The following DSC1 variants were observed in gnomAD, a reference collection of about 807,000 sequenced individuals.
DSC1 encodes the protein desmocollin 1, also known as desmocollin-1.
In DSC1, 79 loss-of-function variants were observed where a neutral mutation model predicts 98.8. The observed-to-expected ratio is 0.80, with a 90% CI of 0.67 to 0.96. DSC1 has a LOEUF of 0.96. Among genes scored for constraint, DSC1 ranks in the 50% least tolerant of loss-of-function variants. The pLI, the probability that DSC1 is intolerant of heterozygous loss-of-function variation, is 0.00. For synonymous variants in DSC1, 405 were observed against 372.1 expected, an observed-to-expected ratio of 1.09 and a Z score of -1.02; for missense variants, 1,115 against 1,075.9, an observed-to-expected ratio of 1.04 and a Z score of -0.51.
At chr18:31,131,193 T>C (rs1173096310) in intron 15 of DSC1, among the ~76,000 whole-genome samples, 2 of 152,192 alleles carry the variant, frequency 1.3e-5, no homozygotes, top group Non-Finnish European at 2.9e-5. Flanking sequence ...ACAATTTATC[T>C]GGTTGATTTT....
chr18:31,156,201 A>C, intron 3 of DSC1, 39 bp from the exon 4 acceptor site: 1 of 1,591,514 alleles, frequency 6.3e-7, no homozygotes, highest in South Asian at 1.1e-5. Context: ...AGCATTGCTT[A>C]TCATTTTTTG....
At chr18:31,144,488 T>C (rs1262567603) in intron 7 of DSC1, among the ~76,000 whole-genome samples, 3 of 152,044 alleles carry the variant, frequency 2.0e-5, no homozygotes, top group Non-Finnish European at 4.4e-5. Context: ...TATTACTAAA[T>C]GAAAGAAGCC....
chr18:31,131,906 T>G lies in DSC1; in HGVS notation c.2239-64A>C, dbSNP rs1329471784. ...ATGGAAACTAACAATTCATTTTCATTTTTTTTCACCATAGGCAAATCACTT... is the reference window on the plus strand; with the variant it reads ...ATGGAAACTAACAATTCATTTTCATGTTTTTTCACCATAGGCAAATCACTT... On this transcript the variant is annotated intron_variant, in intron 14 of 15. Transcript: ENST00000257198. 6 of 1,575,504 alleles carry G rather than the reference T, an allele frequency of 3.8e-6. No individual in the cohort carries two copies. The African/African-American group carries it at 8.1e-5, about 21-fold the overall frequency.
At chr18:31,140,420 T>A (rs1988710092) in intron 9 of DSC1, 119 bp from the exon 10 acceptor site, 1 of 1,105,648 alleles carries the variant, frequency 9.0e-7, no homozygotes, top group Non-Finnish European at 1.2e-6. Flanking sequence ...TAAAGTTAGG[T>A]CTAATACAGT....
rs1988495938 is a variant in DSC1, at chr18:31,131,753, T to G, written c.2328A>C (p.Thr776=). Residue 776 remains threonine (T), a synonymous_variant, in exon 15 of 16, where the codon ACA becomes ACC. Coordinates refer to ENST00000257198, the MANE Select transcript of DSC1 (RefSeq NM_024421.2). ...VGTVGGQGIK[T]QQSFEMVKGG... is the part of the protein sequence containing the mutation. ...CTTTGACCATCTCAAAACTTTGCTGTGTTTTGATTCCCTGGCCACCAACAG... is the reference window on the plus strand; with the variant it reads ...CTTTGACCATCTCAAAACTTTGCTGGGTTTTGATTCCCTGGCCACCAACAG... 1 of 1,614,144 alleles carries G rather than the reference T, an allele frequency of 6.2e-7. No homozygotes were observed. Among genetic ancestry groups the G allele is most frequent in the Non-Finnish European group, 8.5e-7 (1 of 1,179,990 alleles).
intron 3 of DSC1, among the ~76,000 whole-genome samples, chr18:31,157,085 C>A (rs144939346): frequency 7.2e-5 from 11 of 152,300 alleles, no homozygotes; most frequent in Middle Eastern, 3.4e-3. Flanking sequence ...GTCCTTGCTC[C>A]TCAGGTTGGT....
chr18:31,143,765 C>A lies in DSC1; in HGVS notation c.966G>T (p.Met322Ile). 6.3e-7 allele frequency: 1 copy of A among 1,595,968 alleles called. No homozygotes were observed. The highest frequency in any genetic ancestry group is 8.5e-7 in the Non-Finnish European group (1 of 1,171,342). Residue 322 changes from methionine to isoleucine, a missense_variant, in exon 8 of 16, where the codon ATG becomes ATT. By Grantham distance (10) the Met-to-Ile change is conservative. Transcript: ENST00000257198. Reference sequence around the variant, plus strand: ...GCTGACCACCCATGTCTCGCACTTCCATTATTAACTGGTAAGTATCACATT... The same window carrying A: ...GCTGACCACCCATGTCTCGCACTTCAATTATTAACTGGTAAGTATCACATT... ...REKCDTYQLIMEVRDMGGQPF... is the reference protein window; with the variant it reads ...REKCDTYQLIIEVRDMGGQPF...
chr18:31,140,327 G>T, intron 9 of DSC1, 26 bp from the exon 10 acceptor site: 2 of 1,605,498 alleles, frequency 1.2e-6, no homozygotes, highest in Non-Finnish European at 1.7e-6. Flanking sequence ...ACTTTAATAA[G>T]TCAATATATA....
In DSC1 at chr18:31,145,632, A is replaced by G; in HGVS notation, c.918T>C (p.Thr306=). 3 of 1,614,176 alleles carry G rather than the reference A, an allele frequency of 1.9e-6. No individual in the cohort carries two copies. The highest frequency in any genetic ancestry group is 2.5e-6 in the Non-Finnish European group (3 of 1,179,998). The stretch of plus-strand genomic sequence containing the variant: ...TTACTTCTCTATCCAGAAAAGGTGT[A>G]GTTGTGGTGATGACACCGGTATCTG... ...IHPDTGVITT[T]TPFLDREKCD... Residue 306 remains threonine (T), a synonymous_variant, in exon 7 of 16, where the codon ACT becomes ACC. Coordinates refer to ENST00000257198, the MANE Select transcript of DSC1 (RefSeq NM_024421.2).
chr18:31,140,672 A>G (rs1598617829), intron 9 of DSC1, among the ~76,000 whole-genome samples: 2 of 152,352 alleles, frequency 1.3e-5, no homozygotes, highest in Non-Finnish European at 2.9e-5. Context: ...CTAAGTATAT[A>G]CAATAATTAG....
intron 1 of DSC1, among the ~76,000 whole-genome samples, chr18:31,161,798 A>G (rs1450189647): frequency 6.6e-6 from 1 of 152,218 alleles, no homozygotes; most frequent in African/African-American, 2.4e-5. Flanking sequence ...TATATTATTT[A>G]CATGGAGAAA....
At chr18:31,142,706 A>G (rs954647486) in intron 8 of DSC1, among the ~76,000 whole-genome samples, 2 of 152,084 alleles carry the variant, frequency 1.3e-5, no homozygotes, top group African/African-American at 4.8e-5. Flanking sequence ...ATAGCCCTCC[A>G]CAAAAATATT....
chr18:31,133,968 G>A lies in DSC1; in HGVS notation c.2039C>T (p.Thr680Ile). 4 of 1,613,322 alleles carry A rather than the reference G, an allele frequency of 2.5e-6. No homozygotes were observed. Among genetic ancestry groups the A allele is most frequent in the Non-Finnish European group, 2.5e-6 (3 of 1,179,634 alleles). Residue 680 changes from threonine to isoleucine, a missense_variant, in exon 13 of 16, where the codon ACA becomes ATA. Thr to Ile is a moderately conservative substitution (Grantham distance 89). Transcript: ENST00000257198. ...TATTACATTTGGTCTAACGTCTCTTGTACTTTTATCCTTCATTCTACACTC... is the reference window on the plus strand; with the variant it reads ...TATTACATTTGGTCTAACGTCTCTTATACTTTTATCCTTCATTCTACACTC... ...PSECRMKDKS[T>I]RDVRPNVILG...
intron 8 of DSC1, among the ~76,000 whole-genome samples, chr18:31,143,126 A>G (rs2577073): frequency 6.6e-6 from 1 of 151,270 alleles, no homozygotes; most frequent in Non-Finnish European, 1.5e-5. Context: ...TGTGTACACA[A>G]ACACACACAT....
At position 31,132,695 on chromosome 18, in the gene DSC1, A is replaced by G. The variant is rs1272151090; in HGVS notation, c.2117-6T>C. On this transcript the variant is annotated splice_region_variant and splice_polypyrimidine_tract_variant and intron_variant, in intron 13 of 15. Transcript: ENST00000257198. ...GAAACATGTAAACAGAATACCTAAA[A>G]AGCAAAAAAGATCAAAGTAAAACAC... 1 of 1,607,694 alleles carries G rather than the reference A, an allele frequency of 6.2e-7. No individual in the cohort carries two copies. The highest frequency in any genetic ancestry group is 8.5e-7 in the Non-Finnish European group (1 of 1,177,144).
chr18:31,161,945 T>A (rs6506891), intron 1 of DSC1, among the ~76,000 whole-genome samples: 87,283 of 151,926 alleles, frequency 0.57, 25,231 homozygotes, highest in East Asian at 0.66. Context: ...TTCCCTCACC[T>A]CCAAAGAAAA....
chr18:31,131,570 G>T, intron 15 of DSC1, 24 bp downstream of exon 15: 1 of 1,610,210 alleles, frequency 6.2e-7, no homozygotes, highest in South Asian at 1.1e-5. Flanking sequence ...CATGTAATAT[G>T]ACCTCAAAGA....
At chr18:31,141,445 C>G (rs988598693) in intron 9 of DSC1, among the ~76,000 whole-genome samples, 9 of 151,944 alleles carry the variant, frequency 5.9e-5, no homozygotes, top group African/African-American at 2.2e-4. Flanking sequence ...AGAATTAGGT[C>G]CAGTTAAAGT....
rs1385984738 is a variant in DSC1 at position 31,131,779 on chromosome 18, T to C, written c.2302A>G (p.Thr768Ala). 4.3e-6 allele frequency: 7 copies of C among 1,614,078 alleles called. No homozygotes were observed. The highest frequency in any genetic ancestry group is 5.9e-6 in the Non-Finnish European group (7 of 1,179,946). Reference sequence around the variant, plus strand: ...GTTTTGATTCCCTGGCCACCAACAGTACCAACAGACATGCTTGTGTCACAA... The same window carrying C: ...GTTTTGATTCCCTGGCCACCAACAGCACCAACAGACATGCTTGTGTCACAA... ...NICDTSMSVG[T>A]VGGQGIKTQQ... The change falls in exon 15 of 16, where the codon ACT (threonine) becomes GCT (alanine). Residue 768 changes from threonine to alanine, a missense_variant. Coordinates refer to ENST00000257198, the MANE Select transcript of DSC1 (RefSeq NM_024421.2).
Sources: gnomAD v4.1 joint callset for allele counts (sites outside exome capture counted in the v4.1 genomes callset) on GRCh38, gnomAD v4.1.1 for gene constraint, MANE v1.5 for transcripts, NCBI Gene and HGNC (gene_info 2026-07-23, HGNC 2026-07-21) for gene names.